SETBP1: variants seen among roughly 807,000 people sequenced by gnomAD.
SETBP1 encodes the protein SET binding protein 1, also known as SET-binding protein.
A neutral mutation model predicts 101.0 loss-of-function variants in SETBP1; 9 were observed. The observed-to-expected ratio is 0.09, with a 90% CI of 0.05 to 0.16. The LOEUF is 0.16. Among genes scored for constraint, SETBP1 ranks in the 10% least tolerant of loss-of-function variants. The pLI is 1.00. For missense variants in SETBP1, 1,858 were observed against 2,033.8 expected, an observed-to-expected ratio of 0.91 and a Z score of 1.66; for synonymous variants, 818 against 788.5, an observed-to-expected ratio of 1.04 and a Z score of -0.63.
At chr18:45,027,608 G>A (rs1325152523) in intron 4 of SETBP1, among the ~76,000 whole-genome samples, 1 of 152,160 alleles carries the variant, frequency 6.6e-6, no homozygotes, top group Admixed American at 6.5e-5. Context: ...TTTAACATAT[G>A]TAAGAAATAA....
chr18:44,986,208 A>G (rs1233277573), intron 4 of SETBP1: 1 of 152,220 alleles, frequency 6.6e-6, no homozygotes, highest in Admixed American at 6.5e-5. Flanking sequence ...TGAATACTGT[A>G]GATAACTGTA....
intron 2 of SETBP1, among the ~76,000 whole-genome samples, chr18:44,816,743 C>CT (rs2071987845): frequency 6.6e-6 from 1 of 152,166 alleles, no homozygotes; most frequent in African/African-American, 2.4e-5. Context: ...ATACCCTCCC[C>CT]TAAATTTTTA....
At chr18:44,752,486 G>C (rs761126790) in intron 2 of SETBP1, among the ~76,000 whole-genome samples, 13 of 152,214 alleles carry the variant, frequency 8.5e-5, no homozygotes, top group Non-Finnish European at 1.9e-4. Flanking sequence ...GAAATCTTTA[G>C]TTGAGTAGGG....
chr18:44,805,562 A>G (rs1380837083), intron 2 of SETBP1, among the ~76,000 whole-genome samples: 1 of 152,242 alleles, frequency 6.6e-6, no homozygotes, highest in East Asian at 1.9e-4. Context: ...TTTACCCTGG[A>G]CATCTCCTTT....
At chr18:44,827,343 C>T (rs918616242) in intron 2 of SETBP1, among the ~76,000 whole-genome samples, 6 of 152,154 alleles carry the variant, frequency 3.9e-5, no homozygotes, top group Admixed American at 6.5e-5. Context: ...TGCCCATAGA[C>T]GTGTCATTAG....
intron 3 of SETBP1, among the ~76,000 whole-genome samples, chr18:44,911,778 A>G (rs969608059): frequency 9.2e-5 from 14 of 152,216 alleles, no homozygotes; most frequent in South Asian, 4.1e-4. Context: ...GTTCCCTAAT[A>G]GACATTCAAC....
chr18:44,802,567 G>A (rs62090591), intron 2 of SETBP1, among the ~76,000 whole-genome samples: 1,841 of 152,208 alleles, frequency 0.012, 25 homozygotes, highest in Non-Finnish European at 0.017. Flanking sequence ...GATTCCAGGT[G>A]TATCTTCCTT....
intron 2 of SETBP1, among the ~76,000 whole-genome samples, chr18:44,770,111 C>A (rs1460598327): frequency 6.6e-6 from 1 of 152,186 alleles, no homozygotes; most frequent in African/African-American, 2.4e-5. Context: ...ACACAGAATG[C>A]AAATTCTACA....
At chr18:44,987,337 T>C (rs577146620) in intron 4 of SETBP1, 2 of 152,298 alleles carry the variant, frequency 1.3e-5, no homozygotes, top group East Asian at 1.9e-4. Flanking sequence ...AGCAATAAGA[T>C]AGCATAAAAC....
chr18:44,696,508 T>C (rs1420921863), intron 1 of SETBP1, among the ~76,000 whole-genome samples: 1 of 152,154 alleles, frequency 6.6e-6, no homozygotes, highest in Admixed American at 6.5e-5. Flanking sequence ...TATTTTAGAC[T>C]AGGAAAAATA....
intron 2 of SETBP1, among the ~76,000 whole-genome samples, chr18:44,777,535 C>T (rs969234632): frequency 6.6e-6 from 1 of 152,194 alleles, no homozygotes; most frequent in African/African-American, 2.4e-5. Flanking sequence ...GCCATCCCCT[C>T]ATCTGGTGGA....
intron 4 of SETBP1, among the ~76,000 whole-genome samples, chr18:44,992,910 G>A (rs2072410046): frequency 6.6e-6 from 1 of 151,726 alleles, no homozygotes; most frequent in African/African-American, 2.4e-5. Flanking sequence ...AAAAATTCCA[G>A]ACAAAATAAA....
At chr18:44,769,421 G>T (rs1416907140) in intron 2 of SETBP1, among the ~76,000 whole-genome samples, 1 of 152,208 alleles carries the variant, frequency 6.6e-6, no homozygotes, top group African/African-American at 2.4e-5. Context: ...GTTCCTTTCA[G>T]AATGTGCTGT....
At chr18:44,954,690 G>A (rs2071446004) in intron 4 of SETBP1, among the ~76,000 whole-genome samples, 1 of 152,200 alleles carries the variant, frequency 6.6e-6, no homozygotes, top group Non-Finnish European at 1.5e-5. Context: ...AAACCAATTA[G>A]CAGTCACATC....
At chr18:44,797,102 A>G (rs1237466325) in intron 2 of SETBP1, among the ~76,000 whole-genome samples, 2 of 152,162 alleles carry the variant, frequency 1.3e-5, no homozygotes, top group African/African-American at 4.8e-5. Flanking sequence ...GTGTGTGTTA[A>G]TGCTTAACCA....
chr18:44,825,292 T>G (rs752845134), intron 2 of SETBP1, among the ~76,000 whole-genome samples: 19 of 152,248 alleles, frequency 1.2e-4, no homozygotes, highest in Admixed American at 4.6e-4. Flanking sequence ...TTCAAGGCTC[T>G]GATCTTTTAC....
chr18:44,717,861 T>C (rs1233848953), intron 2 of SETBP1, among the ~76,000 whole-genome samples: 1 of 152,208 alleles, frequency 6.6e-6, no homozygotes, highest in East Asian at 1.9e-4. Flanking sequence ...TCTCTGTTTC[T>C]TCCTCCTAAG....
chr18:45,063,641 G>T lies in SETBP1; in HGVS notation c.4734G>T (p.Glu1578Asp). 1 of 1,607,426 alleles carries T rather than the reference G, an allele frequency of 6.2e-7. No homozygotes were observed. The change falls in exon 6 of 6, where the codon GAG becomes GAT. Residue 1578 changes from glutamate to aspartate, a missense_variant. Physicochemically the swap from Glu to Asp is conservative, Grantham distance 45. Around this residue, in one of 12 missense-constraint regions of SETBP1, gnomAD observed 178 missense variants for 189.1 expected, o/e 0.94. Transcript: ENST00000649279. ...AGCAGCCCCTTCCCCAGGAAGAGGA[G>T]GTGAAAGCCAAAAGGCAGAGGAAGT... is the stretch of plus-strand genomic sequence containing the variant. ...PPQQPLPQEEEVKAKRQRKSR... is the reference protein window; with the variant it reads ...PPQQPLPQEEDVKAKRQRKSR...
At position 44,869,214 on chromosome 18, in the gene SETBP1, C is replaced by A. The variant is rs932082511; in HGVS notation, c.487-16C>A. 12 of 1,613,664 alleles carry A rather than the reference C, an allele frequency of 7.4e-6. No homozygotes were observed. The highest frequency in any genetic ancestry group is 1.0e-5 in the Non-Finnish European group (12 of 1,179,764). On this transcript the variant is annotated splice_polypyrimidine_tract_variant and intron_variant, in intron 2 of 5. Coordinates refer to ENST00000649279, the MANE Select transcript of SETBP1 (RefSeq NM_015559.3). ...CTGAAAAGTGTCACTGAGAAAATTT[C>A]TTTATTCTTTTGCAGCTCCTCACAG... is the stretch of plus-strand genomic sequence containing the variant.
Sources: gnomAD v4.1 joint callset for allele counts (sites outside exome capture counted in the v4.1 genomes callset) on GRCh38, gnomAD v4.1.1 for gene constraint, gnomAD v4.1.1 regional missense constraint, MANE v1.5 for transcripts, NCBI Gene and HGNC (gene_info 2026-07-23, HGNC 2026-07-21) for gene names.